Variants in DMD observed in about 807,000 individuals in gnomAD.
The protein encoded by DMD is mutant dystrophin.
A neutral mutation model predicts 330.1 loss-of-function variants in DMD; 63 were observed. That is an observed-to-expected ratio of 0.19 (90% CI 0.16 to 0.24). DMD has a LOEUF of 0.24. Among genes scored for constraint, DMD ranks in the 10% least tolerant of loss-of-function variants. The pLI is 1.00. For missense variants in DMD, 3,344 were observed against 2,684.1 expected (o/e 1.25, Z -5.43); for synonymous variants, 1,223 against 959.8 (o/e 1.27, Z -5.07).
intron 64 of DMD, among the ~76,000 whole-genome samples, chrX:31,217,940 T>G (rs2148661634): frequency 8.9e-6 from 1 of 112,284 alleles, no homozygotes; most frequent in African/African-American, 3.2e-5. Flanking sequence ...TCAAATTGAT[T>G]TAAAAGTGAA....
At chrX:33,061,932 C>A (rs1387716588) in intron 1 of DMD, among the ~76,000 whole-genome samples, 1 of 111,426 alleles carries the variant, frequency 9.0e-6, no homozygotes, top group Non-Finnish European at 1.9e-5. Context: ...ATAAGTTTCC[C>A]TATTCACTTT....
chrX:31,727,464 C>T (rs2149004461), intron 52 of DMD, among the ~76,000 whole-genome samples: 1 of 111,972 alleles, frequency 8.9e-6, no homozygotes, highest in African/African-American at 3.2e-5. Flanking sequence ...TGACAAGATC[C>T]ATCCAACAGA....
chrX:32,191,257 C>T (rs187579103), intron 44 of DMD, among the ~76,000 whole-genome samples: 3 of 111,636 alleles, frequency 2.7e-5, no homozygotes, highest in East Asian at 2.8e-4. Context: ...TTTTTGTGTC[C>T]GTAACAGTCC....
chrX:31,186,211 G>A (rs2148373339), intron 67 of DMD, among the ~76,000 whole-genome samples: 1 of 111,703 alleles, frequency 9.0e-6, no homozygotes, highest in South Asian at 3.8e-4. Flanking sequence ...TCAAACTTCC[G>A]ATCAAATGCT....
At chrX:33,103,489 C>A (rs1194148334) in intron 1 of DMD, among the ~76,000 whole-genome samples, 1 of 111,060 alleles carries the variant, frequency 9.0e-6, no homozygotes, top group Non-Finnish European at 1.9e-5. Flanking sequence ...CTGGCTCATC[C>A]TGGCTCAAAA....
At chrX:32,802,902 T>G (rs905015880) in intron 7 of DMD, among the ~76,000 whole-genome samples, 3 of 112,017 alleles carry the variant, frequency 2.7e-5, no homozygotes, top group African/African-American at 9.7e-5. Context: ...TTCACATTGA[T>G]GTTCATCAGG....
rs186196226 is a variant in DMD at position 32,016,455 on chromosome X, C to T, written c.6439-47941G>A. Among the ~76,000 whole-genome samples the T allele has an allele frequency of 5.6e-3, 623 of 111,834 alleles. 4 individuals are homozygous for T. The highest frequency in any genetic ancestry group is 9.7e-3 in the Non-Finnish European group (515 of 53,122). ...ACACTGCATGAGAACTGGGATTATC[C>T]TACTCACCTCCCCACAAAGCACAAG... On this transcript the variant is annotated intron_variant, in intron 44 of 78. Transcript: ENST00000357033.
chrX:32,041,073 T>A (rs899343676), intron 44 of DMD, among the ~76,000 whole-genome samples: 1 of 110,885 alleles, frequency 9.0e-6, no homozygotes, highest in African/African-American at 3.3e-5. Context: ...ATCAATATGG[T>A]TATGTTTTCT....
intron 50 of DMD, among the ~76,000 whole-genome samples, chrX:31,799,029 CT>C (rs2091948636): frequency 8.9e-6 from 1 of 111,792 alleles, no homozygotes; most frequent in Admixed American, 9.4e-5. Context: ...TTTCACTCCC[CT>C]TTGGTACTCC....
intron 18 of DMD, among the ~76,000 whole-genome samples, chrX:32,505,611 T>C (rs2044537186): frequency 8.9e-6 from 1 of 111,988 alleles, no homozygotes; most frequent in Non-Finnish European, 1.9e-5. Context: ...GGAGGTTTCT[T>C]ACAAAAGTAA....
intron 1 of DMD, among the ~76,000 whole-genome samples, chrX:33,115,404 T>C (rs1476860628): frequency 4.5e-5 from 5 of 110,931 alleles, no homozygotes; most frequent in East Asian, 5.7e-4. Flanking sequence ...ACAAGTGTAA[T>C]GGGGGGATCT....
chrX:32,781,125 GAA>G (rs59738615), intron 7 of DMD, among the ~76,000 whole-genome samples: 1,939 of 57,025 alleles, frequency 0.034, 62 homozygotes, highest in African/African-American at 0.11. Context: ...CTCAAAAAAA[GAA>G]AAAAAAAAAA....
At chrX:32,845,424 T>C (rs1325267185) in intron 3 of DMD, among the ~76,000 whole-genome samples, 1 of 112,265 alleles carries the variant, frequency 8.9e-6, no homozygotes, top group East Asian at 2.8e-4. Flanking sequence ...TAGTTCATTG[T>C]AATATACAAA....
intron 60 of DMD, among the ~76,000 whole-genome samples, chrX:31,382,124 T>C (rs778661144): frequency 1.8e-5 from 2 of 111,433 alleles, no homozygotes; most frequent in African/African-American, 3.3e-5. Context: ...TCTCAGGCTC[T>C]TAGTATTCAG....
In DMD at chrX:33,317,875, T is replaced by C. The variant is rs183391877; in HGVS notation, c.7+21384A>G. Among the ~76,000 whole-genome samples the C allele has an allele frequency of 8.1e-5, 9 of 111,624 alleles. No individual in the cohort carries two copies. In the East Asian group the frequency reaches 2.5e-3, roughly 32 times the overall value. ...ACCTCAGTTACCTAATCCTTTACAG[T>C]CTAGTCCATTATTAACAGTATTAAG... is the stretch of plus-strand genomic sequence containing the variant. On this transcript the variant is annotated intron_variant, in intron 1 of 17. Coordinates refer to the DMD transcript ENST00000288447.
intron 7 of DMD, among the ~76,000 whole-genome samples, chrX:32,787,211 CAA>C (rs1231125715): frequency 1.3e-5 from 1 of 77,379 alleles, no homozygotes; most frequent in Non-Finnish European, 2.4e-5. Context: ...ATCTCTCTGT[CAA>C]GTGTGTGTGT....
intron 47 of DMD, among the ~76,000 whole-genome samples, chrX:31,905,187 A>G (rs778546884): frequency 8.9e-6 from 1 of 112,018 alleles, no homozygotes; most frequent in South Asian, 3.7e-4. Context: ...GATGAATAAT[A>G]TTGTCAATCT....
At chrX:33,308,349 G>A (rs1325557943) in intron 1 of DMD, among the ~76,000 whole-genome samples, 4 of 112,044 alleles carry the variant, frequency 3.6e-5, no homozygotes, top group Middle Eastern at 4.6e-3. Flanking sequence ...GTGGTATTTG[G>A]AAATATTTTG....
Position 32,398,269 on chromosome X carries a change from C to T in DMD, c.4234-8088G>A, listed in dbSNP as rs1347374129. On this transcript the variant is annotated intron_variant, in intron 30 of 78. Coordinates refer to ENST00000357033, the MANE Select transcript of DMD (RefSeq NM_004006.3). The stretch of plus-strand genomic sequence containing the variant: ...TGTACTACTCTTTTTTTAAACCCCC[C>T]CCCCCAAGTAGAGTTACTTAGAAAA... Among the ~76,000 whole-genome samples, 18 of 98,407 alleles carry T rather than the reference C, an allele frequency of 1.8e-4. 1 individual carries two copies. The highest frequency in any genetic ancestry group is 1.6e-3 in the Admixed American group (14 of 9,022). The allele number at this position is 98,407 out of a possible 115,157, so 85.5% of individuals were successfully genotyped here.
Sources: allele counts gnomAD v4.1 joint callset (sites outside exome capture counted in the v4.1 genomes callset), GRCh38; gene constraint gnomAD v4.1.1; transcripts MANE v1.5; gene names NCBI Gene and HGNC (gene_info 2026-07-23, HGNC 2026-07-21).